The following ZNF320 variants were observed in gnomAD, a reference collection of about 807,000 sequenced individuals.
ZNF320 encodes zinc finger gene 320.
A neutral mutation model predicts 6.8 loss-of-function variants in ZNF320; 2 were observed. That is an observed-to-expected ratio of 0.29 (90% CI 0.12 to 0.93). ZNF320 has a LOEUF of 0.93. ZNF320 is among the 40% of genes least tolerant of loss of function. ZNF320 has a pLI of 0.55. For missense variants in ZNF320, 472 were observed against 611.0 expected (o/e 0.77, Z 2.40); for synonymous variants, 208 against 203.2 (o/e 1.02, Z -0.20).
intron 5 of ZNF320, among the ~76,000 whole-genome samples, chr19:52,866,413 G>C (rs1034383903): frequency 1.3e-4 from 20 of 151,754 alleles, no homozygotes; most frequent in Non-Finnish European, 8.8e-5. Context: ...AACACACTCA[G>C]AGGCAGCCAG....
At chr19:52,867,581 G>T (rs1275301494) in intron 5 of ZNF320, among the ~76,000 whole-genome samples, 1 of 152,064 alleles carries the variant, frequency 6.6e-6, no homozygotes, top group Non-Finnish European at 1.5e-5. Context: ...GACTACTCAT[G>T]AATAGGACCA....
chr19:52,881,144 G>T lies in ZNF320; in HGVS notation c.982C>A (p.Pro328Thr). 6.2e-7 allele frequency: 1 copy of T among 1,614,068 alleles called. No individual in the cohort carries two copies. Among genetic ancestry groups the T allele is most frequent in the East Asian group, 2.2e-5 (1 of 44,864 alleles). The change falls in exon 6 of 6, where the codon CCT becomes ACT. Residue 328 changes from proline (P) to threonine (T), a missense_variant. By Grantham distance (38) the Pro-to-Thr change is conservative. Transcript: ENST00000682928. The stretch of plus-strand genomic sequence containing the variant: ...TTGTCGCATTCTTCACATCTGTAAG[G>T]TTTCTCTCCAGTGTGAACTCTACGA... ...GHRRVHTGEK[P>T]YRCEECDKVF...
At chr19:52,898,525 T>G (rs78759530), upstream of ZNF320, among the ~76,000 whole-genome samples, 47 of 152,336 alleles carry the variant, frequency 3.1e-4, no homozygotes, top group East Asian at 8.1e-3. Context: ...TGTAACAGTG[T>G]GTAGCAGGGC....
intron 1 of ZNF320, among the ~76,000 whole-genome samples, chr19:52,896,191 A>G (rs1361324954): frequency 2.0e-5 from 3 of 151,998 alleles, no homozygotes; most frequent in African/African-American, 7.2e-5. Flanking sequence ...CTCCCTGTCC[A>G]AGGGATTCTG....
intron 5 of ZNF320, among the ~76,000 whole-genome samples, chr19:52,870,477 CAAAAAA>C (rs35010241): frequency 1.1e-5 from 1 of 89,474 alleles, no homozygotes; most frequent in Non-Finnish European, 2.2e-5. Flanking sequence ...GACTCCGTCT[CAAAAAA>C]AAAAAAAAAA....
At chr19:52,897,671 C>T (rs779713529), upstream of ZNF320, 1 of 152,432 alleles carries the variant, frequency 6.6e-6, no homozygotes, top group Non-Finnish European at 1.5e-5. Flanking sequence ...ACCTTCAGTC[C>T]CTGCCATCCG....
In ZNF320 at chr19:52,881,028, G is replaced by A. The variant is rs1289796293; in HGVS notation, c.1098C>T (p.Phe366=). Residue 366 remains phenylalanine, a synonymous_variant, in exon 6 of 6, where the codon TTC becomes TTT. Coordinates refer to ENST00000682928, the MANE Select transcript of ZNF320 (RefSeq NM_001351774.2). ...PYKCKVCDKA[F]RSDSRLAEHQ... ...GTTCTGCAAGACGTGAATCACTCCGGAAAGCCTTGTCACAAACCTTACATT... is the reference window on the plus strand; with the variant it reads ...GTTCTGCAAGACGTGAATCACTCCGAAAAGCCTTGTCACAAACCTTACATT... The A allele has an allele frequency of 1.2e-6, 2 of 1,613,452 alleles. No individual in the cohort carries two copies. Among genetic ancestry groups the A allele is most frequent in the Non-Finnish European group, 1.7e-6 (2 of 1,179,884 alleles).
chr19:52,895,071 C>G (rs1360244237), intron 1 of ZNF320: 3 of 152,208 alleles, frequency 2.0e-5, no homozygotes, highest in African/African-American at 7.2e-5. Flanking sequence ...TTGAGGGAGA[C>G]ATTTACTTAG....
At chr19:52,900,414 G>A (rs2064567662), upstream of ZNF320, among the ~76,000 whole-genome samples, 1 of 152,086 alleles carries the variant, frequency 6.6e-6, no homozygotes, top group African/African-American at 2.4e-5. Flanking sequence ...TTTTGGGCTG[G>A]GAATTCATCA....
exon 6 of ZNF320, chr19:52,863,829 G>C (rs573828294): frequency 6.5e-5 from 14 of 215,910 alleles, no homozygotes; most frequent in African/African-American, 3.4e-4. Flanking sequence ...TCAGGAGTTC[G>C]AGACGAGCCT....
chr19:52,903,704 G>GT, the ZNF320 span, among the ~76,000 whole-genome samples: 55,628 of 149,684 alleles, frequency 0.37, 13,072 homozygotes, highest in African/African-American at 0.66. Context: ...CCTGAACTAT[G>GT]TTTTTTTTTT....
chr19:52,894,979 C>T (rs1199050689), intron 1 of ZNF320: 1 of 152,244 alleles, frequency 6.6e-6, no homozygotes. Context: ...TTCATGAACA[C>T]ATGGGCTCTG....
rs765473826 is a variant in ZNF320, at chr19:52,881,439, T to C, written c.687A>G (p.Lys229=). 6.2e-7 allele frequency: 1 copy of C among 1,614,134 alleles called. No homozygotes were observed. Among genetic ancestry groups the C allele is most frequent in the South Asian group, 1.1e-5 (1 of 91,072 alleles). ...TTCTATGATGACATGCAAGGGTTGC[T>C]TTTTGATCAAAAACCTTGCCACATT... is the stretch of plus-strand genomic sequence containing the variant. ...CNECGKVFDQ[K]ATLACHHRSH... The change falls in exon 6 of 6, where the codon AAA becomes AAG. Residue 229 remains lysine (K), a synonymous_variant. Coordinates refer to ENST00000682928, the MANE Select transcript of ZNF320 (RefSeq NM_001351774.2).
intron 5 of ZNF320, among the ~76,000 whole-genome samples, chr19:52,884,633 G>A (rs1219215426): frequency 6.6e-6 from 1 of 151,996 alleles, no homozygotes; most frequent in Non-Finnish European, 1.5e-5. Context: ...TTGGCATTTA[G>A]TACATTCCAG....
At chr19:52,864,503 G>T (rs1367378558) in intron 5 of ZNF320, among the ~76,000 whole-genome samples, 1 of 152,120 alleles carries the variant, frequency 6.6e-6, no homozygotes, top group Non-Finnish European at 1.5e-5. Context: ...GTGGCCTAAA[G>T]AAAAGAAAGT....
intron 5 of ZNF320, among the ~76,000 whole-genome samples, chr19:52,886,977 A>AGAAGGATGGAAG (rs2064103607): frequency 8.1e-6 from 1 of 123,152 alleles, no homozygotes; most frequent in Non-Finnish European, 1.7e-5. Flanking sequence ...AAAGAAAGAA[A>AGAAGGATGGAAG]GAAGGAAGGA....
downstream of ZNF320, among the ~76,000 whole-genome samples, chr19:52,871,592 A>C (rs1290935109): frequency 6.6e-6 from 1 of 152,184 alleles, no homozygotes; most frequent in African/African-American, 2.4e-5. Flanking sequence ...TACGGTTCTG[A>C]TGGCATCAAT....
rs1181103740 is a variant in ZNF320 at position 52,881,183 on chromosome 19, T to G, written c.943A>C (p.Thr315Pro). The G allele has an allele frequency of 1.9e-6, 3 of 1,613,464 alleles. No homozygotes were observed. The highest frequency in any genetic ancestry group is 1.7e-6 in the Non-Finnish European group (2 of 1,179,894). Reference protein sequence around the residue: ...ECGKVFKQRATLAGHRRVHTG... With the variant: ...ECGKVFKQRAPLAGHRRVHTG... ...TGAACTCTACGATGTCCTGCAAGAG[T>G]TGCTCGTTGCTTAAAAACCTTGCCA... The change falls in exon 6 of 6, where the codon ACT (threonine) becomes CCT (proline). Residue 315 changes from threonine (T) to proline (P), a missense_variant. By Grantham distance (38) the Thr-to-Pro change is conservative. This residue lies in a region of ZNF320 where 462 missense variants were observed against 559.7 expected (regional missense o/e 0.83). Transcript: ENST00000682928.
chr19:52,866,427 G>A (rs537477132), intron 5 of ZNF320, among the ~76,000 whole-genome samples: 2 of 151,674 alleles, frequency 1.3e-5, no homozygotes, highest in Non-Finnish European at 2.9e-5. Context: ...CAGCCAGGGT[G>A]GCATTCTTGG....
Sources: allele counts gnomAD v4.1 joint callset (sites outside exome capture counted in the v4.1 genomes callset), GRCh38; gene constraint gnomAD v4.1.1; regional missense constraint gnomAD v4.1.1; transcripts MANE v1.5; gene names NCBI Gene and HGNC (gene_info 2026-07-23, HGNC 2026-07-21).